The following TENM1 variants were observed in gnomAD, a reference collection of about 807,000 sequenced individuals.
TENM1 encodes teneurin transmembrane protein 1.
Under a neutral mutation model 174.8 loss-of-function variants are expected in TENM1, and 35 were observed. The observed-to-expected ratio is 0.20, with a 90% CI of 0.15 to 0.27. TENM1 has a LOEUF of 0.27. Ranked by LOEUF, TENM1 falls within the 10% of genes least tolerant of loss-of-function variation. The pLI, the probability that TENM1 is intolerant of heterozygous loss-of-function variation, is 1.00. For missense variants in TENM1, 1,633 were observed against 2,130.1 expected (o/e 0.77, Z 4.59); for synonymous variants, 781 against 798.7 (o/e 0.98, Z 0.37).
chrX:124,416,986 C>T (rs912630051), intron 25 of TENM1, among the ~76,000 whole-genome samples: 34 of 111,828 alleles, frequency 3.0e-4, no homozygotes, highest in African/African-American at 1.0e-3. Flanking sequence ...CAGACACTGA[C>T]TCTGCTGGCA....
At chrX:124,841,622 A>T (rs2056503158) in intron 3 of TENM1, among the ~76,000 whole-genome samples, 2 of 75,516 alleles carry the variant, frequency 2.6e-5, no homozygotes, top group East Asian at 3.7e-4. Context: ...GTGAATGATT[A>T]AAAAAAAAAA....
chrX:124,520,806 A>G, intron 17 of TENM1, 22 bp from the exon 21 acceptor site: 5 of 1,075,810 alleles, frequency 4.6e-6, no homozygotes, highest in Non-Finnish European at 6.2e-6. Flanking sequence ...AAAAAAAAAA[A>G]AAGCCAAATA....
chrX:124,951,307 A>T (rs1457881304), intron 1 of TENM1, among the ~76,000 whole-genome samples: 1 of 111,142 alleles, frequency 9.0e-6, no homozygotes, highest in Admixed American at 9.6e-5. Context: ...TCATTTCTAC[A>T]TTGAGGCCAT....
At chrX:124,621,615 ACTG>A (rs1420829456) in intron 11 of TENM1, among the ~76,000 whole-genome samples, 1 of 112,478 alleles carries the variant, frequency 8.9e-6, no homozygotes, top group Non-Finnish European at 1.9e-5. Flanking sequence ...CACAGTTTTA[ACTG>A]CATTTTGACT....
chrX:125,154,135 C>A, the TENM1 span, among the ~76,000 whole-genome samples: 4 of 112,062 alleles, frequency 3.6e-5, no homozygotes, highest in African/African-American at 1.3e-4. Flanking sequence ...TTACCTGATT[C>A]ACTACCCAAC....
intron 23 of TENM1, 123 bp from the exon 27 acceptor site, chrX:124,422,761 T>G (rs2060669445): frequency 2.9e-6 from 2 of 684,317 alleles, no homozygotes; most frequent in Admixed American, 6.3e-5. Context: ...TTAGCAACAT[T>G]GGTGATGTCT....
the TENM1 span, among the ~76,000 whole-genome samples, chrX:125,152,094 A>G: frequency 9.1e-6 from 1 of 110,460 alleles, no homozygotes; most frequent in Admixed American, 9.7e-5. Flanking sequence ...CATCTCTACT[A>G]AAACACAAAA....
At chrX:124,376,830 A>G (rs1211907636) in exon 32 of TENM1, 2 of 109,046 alleles carry the variant, frequency 1.8e-5, no homozygotes, top group Non-Finnish European at 3.8e-5. Context: ...ACCTTTATAG[A>G]AGGCTGTGGA....
At chrX:124,496,372 T>A (rs954984186) in intron 20 of TENM1, among the ~76,000 whole-genome samples, 10 of 111,992 alleles carry the variant, frequency 8.9e-5, no homozygotes, top group Non-Finnish European at 1.7e-4. Context: ...TTAGTCATAA[T>A]CTTTGTGGAA....
At chrX:125,024,385 C>CCA in the TENM1 span, among the ~76,000 whole-genome samples, 3,955 of 105,549 alleles carry the variant, frequency 0.037, 181 homozygotes, top group African/African-American at 0.13. Context: ...CACACACACA[C>CCA]CACACACACA....
chrX:124,941,972 C>T (rs948608114), intron 1 of TENM1, among the ~76,000 whole-genome samples: 1 of 111,327 alleles, frequency 9.0e-6, no homozygotes, highest in African/African-American at 3.3e-5. Context: ...CAACAGATCT[C>T]TTGAGACTTA....
chrX:125,197,191 G>A, the TENM1 span, among the ~76,000 whole-genome samples: 1 of 111,376 alleles, frequency 9.0e-6, no homozygotes, highest in African/African-American at 3.3e-5. Context: ...ATTCATACAG[G>A]CAACTAAAAA....
chrX:125,025,784 C>A, the TENM1 span, among the ~76,000 whole-genome samples: 1 of 111,280 alleles, frequency 9.0e-6, no homozygotes, highest in African/African-American at 3.3e-5. Context: ...TCCCAAACCC[C>A]TTGTATAATA....
At chrX:124,998,767 T>C in the TENM1 span, among the ~76,000 whole-genome samples, 2 of 111,591 alleles carry the variant, frequency 1.8e-5, no homozygotes, top group East Asian at 5.6e-4. Context: ...CATGTGAACA[T>C]AGTAATCATA....
chrX:124,420,862 G>A (rs1381259615), intron 24 of TENM1, 41 bp from the exon 28 acceptor site: 8 of 1,140,300 alleles, frequency 7.0e-6, no homozygotes, highest in Non-Finnish European at 9.6e-6. Flanking sequence ...GGCATCATAA[G>A]CATTTACATG....
At chrX:124,501,032 G>A (rs1003223800) in intron 19 of TENM1, among the ~76,000 whole-genome samples, 7 of 111,181 alleles carry the variant, frequency 6.3e-5, no homozygotes, top group Non-Finnish European at 1.3e-4. Context: ...CCAATTTTGA[G>A]ACAGATGACA....
At chrX:124,938,334 T>C (rs1350753605) in intron 1 of TENM1, among the ~76,000 whole-genome samples, 2 of 112,491 alleles carry the variant, frequency 1.8e-5, no homozygotes, top group Non-Finnish European at 3.8e-5. Context: ...AAAAGGAATT[T>C]AGAAGTGCCT....
chrX:124,384,079 G>C, exon 30 of TENM1: 2 of 1,211,669 alleles, frequency 1.7e-6, no homozygotes, highest in Non-Finnish European at 2.2e-6. Flanking sequence ...TAACTCTTAT[G>C]GGGTTGGTAA....
At chrX:124,610,924 G>A (rs2050263850) in intron 11 of TENM1, among the ~76,000 whole-genome samples, 1 of 111,220 alleles carries the variant, frequency 9.0e-6, no homozygotes, top group Non-Finnish European at 1.9e-5. Flanking sequence ...TGAGGGATTT[G>A]ACTAAAGTCA....
Sources: allele counts gnomAD v4.1 joint callset (sites outside exome capture counted in the v4.1 genomes callset), GRCh38; gene constraint gnomAD v4.1.1; transcripts MANE v1.5; gene names NCBI Gene and HGNC (gene_info 2026-07-23, HGNC 2026-07-21).